CD99L2: variants seen among roughly 807,000 people sequenced by gnomAD.
CD99L2 encodes CD99 molecule like 2.
A neutral mutation model predicts 27.3 loss-of-function variants in CD99L2; 24 were observed. The ratio of observed to expected loss-of-function variants is 0.88; its 90% CI spans 0.64 to 1.24. CD99L2 has a LOEUF of 1.24. CD99L2 is among the 50% of genes most tolerant of loss of function. The probability of loss-of-function intolerance (pLI) is 0.00; values close to 1 mark genes in which losing one functional copy is unlikely to be tolerated. For missense variants in CD99L2, 255 were observed against 221.6 expected (o/e 1.15, Z -0.96); for synonymous variants, 97 against 87.9 (o/e 1.10, Z -0.58).
At position 150,860,847 on chromosome X, in the gene CD99L2, T is replaced by A. The variant is rs1486737322; in HGVS notation, c.68-29554A>T. On this transcript the variant is annotated intron_variant, in intron 1 of 10. Coordinates refer to ENST00000370377, the MANE Select transcript of CD99L2 (RefSeq NM_031462.4). ...GGAAAGACATTCCATGCTCATGGAC[T>A]GAAAAAATGAATATCATTGGCCAGG... 2.7e-5 allele frequency among the ~76,000 whole-genome samples: 3 copies of A among 111,077 alleles called. No homozygotes were observed. In the Admixed American group the frequency reaches 2.9e-4, roughly 11 times the overall value.
intron 4 of CD99L2, among the ~76,000 whole-genome samples, chrX:150,813,388 C>T (rs1338434027): frequency 9.0e-6 from 1 of 111,607 alleles, no homozygotes; most frequent in Non-Finnish European, 1.9e-5. Context: ...CAACTACACA[C>T]GAATCTATGA....
chrX:150,774,155 T>A (rs2043509897), intron 9 of CD99L2, among the ~76,000 whole-genome samples: 1 of 112,074 alleles, frequency 8.9e-6, no homozygotes, highest in African/African-American at 3.2e-5. Flanking sequence ...ATTCGTTCAA[T>A]GACATTTTAG....
chrX:150,894,174 C>T (rs1434738745), intron 1 of CD99L2, among the ~76,000 whole-genome samples: 1 of 112,164 alleles, frequency 8.9e-6, no homozygotes, highest in African/African-American at 3.2e-5. Flanking sequence ...ATCCCAGCTG[C>T]TGGCAACCAC....
chrX:150,825,867 G>A (rs1442334504), intron 2 of CD99L2, among the ~76,000 whole-genome samples: 4 of 112,176 alleles, frequency 3.6e-5, no homozygotes, highest in African/African-American at 1.3e-4. Context: ...GTAATATCGT[G>A]CTGTACCGAA....
rs1307636903 is a variant in CD99L2 at position 150,795,342 on chromosome X, G to T, written c.347-53C>A. ...TACTCAATTAGTTCATCTATGGGTA[G>T]CTCATTTGGATCCTGTCTCAGAGGG... On this transcript the variant is annotated intron_variant, in intron 5 of 10. Coordinates refer to ENST00000370377, the MANE Select transcript of CD99L2 (RefSeq NM_031462.4). 3.3e-6 allele frequency: 4 copies of T among 1,205,217 alleles called. No individual in the cohort carries two copies. The East Asian group carries it at 1.2e-4, about 36-fold the overall frequency.
At chrX:150,776,122 T>A in intron 9 of CD99L2, 52 bp downstream of exon 9, 1 of 1,194,553 alleles carries the variant, frequency 8.4e-7, no homozygotes, top group Non-Finnish European at 1.1e-6. Flanking sequence ...CCCCTTTCCC[T>A]CCAAAGACCT....
intron 1 of CD99L2, among the ~76,000 whole-genome samples, chrX:150,854,901 G>C (rs782544760): frequency 1.8e-5 from 2 of 110,528 alleles, no homozygotes; most frequent in South Asian, 7.9e-4. Flanking sequence ...GCTGCCTGCT[G>C]CCCCCCCTCC....
intron 7 of CD99L2, among the ~76,000 whole-genome samples, chrX:150,792,449 T>C (rs1160459434): frequency 8.9e-6 from 1 of 112,194 alleles, no homozygotes; most frequent in Admixed American, 9.5e-5. Flanking sequence ...GTAGGTTTCA[T>C]TTAGAGGCTT....
At chrX:150,789,647 G>A (rs1331444009) in intron 7 of CD99L2, among the ~76,000 whole-genome samples, 2 of 111,607 alleles carry the variant, frequency 1.8e-5, no homozygotes, top group East Asian at 5.7e-4. Context: ...CATATTGGGA[G>A]GCCAAGGCAG....
intron 4 of CD99L2, among the ~76,000 whole-genome samples, chrX:150,813,737 C>T (rs2046108405): frequency 8.9e-6 from 1 of 112,264 alleles, no homozygotes; most frequent in East Asian, 2.8e-4. Flanking sequence ...TGATTATTTC[C>T]ATTCTGAGCA....
At chrX:150,858,606 G>A (rs1170633287) in intron 1 of CD99L2, among the ~76,000 whole-genome samples, 1 of 111,580 alleles carries the variant, frequency 9.0e-6, no homozygotes, top group African/African-American at 3.3e-5. Flanking sequence ...CTAACCAATG[G>A]GTCAATGAAG....
chrX:150,859,654 C>A (rs1341586304), intron 1 of CD99L2, among the ~76,000 whole-genome samples: 1 of 109,186 alleles, frequency 9.2e-6, no homozygotes, highest in African/African-American at 3.3e-5. Flanking sequence ...CCTGCCACCA[C>A]GCCCAGCTAA....
chrX:150,828,754 T>TGG (rs1412229807), intron 2 of CD99L2: 1 of 111,326 alleles, frequency 9.0e-6, no homozygotes, highest in African/African-American at 3.3e-5. Context: ...AGTGTTGGCG[T>TGG]GGGTCTGGGA....
intron 1 of CD99L2, among the ~76,000 whole-genome samples, chrX:150,878,752 C>T (rs955735883): frequency 2.6e-4 from 29 of 111,370 alleles, no homozygotes; most frequent in African/African-American, 9.1e-4. Flanking sequence ...AAAATTTCTG[C>T]AATTTATTAA....
At chrX:150,855,557 G>A (rs1455329206) in intron 1 of CD99L2, among the ~76,000 whole-genome samples, 1 of 111,236 alleles carries the variant, frequency 9.0e-6, no homozygotes, top group African/African-American at 3.3e-5. Flanking sequence ...CAATGAGGGG[G>A]AAATCCGTCC....
intron 7 of CD99L2, among the ~76,000 whole-genome samples, chrX:150,792,130 C>G (rs782445379): frequency 1.1e-4 from 12 of 111,335 alleles, no homozygotes; most frequent in Non-Finnish European, 2.1e-4. Context: ...CCACGACCCC[C>G]TTTATCTTCT....
At chrX:150,770,461 T>C (rs2043425439) in intron 9 of CD99L2, 92 bp from the exon 10 acceptor site, 1 of 833,452 alleles carries the variant, frequency 1.2e-6, no homozygotes, top group African/African-American at 2.0e-5. Context: ...CCTCTGCAGC[T>C]AAAAAAGCAG....
At chrX:150,888,136 G>A (rs868977623) in intron 1 of CD99L2, among the ~76,000 whole-genome samples, 108 of 111,911 alleles carry the variant, frequency 9.7e-4, no homozygotes, top group African/African-American at 3.3e-3. Flanking sequence ...TGAAAGTCAC[G>A]CTGGTAACTT....
intron 1 of CD99L2, among the ~76,000 whole-genome samples, chrX:150,837,158 G>A (rs782762804): frequency 5.4e-5 from 6 of 112,053 alleles, no homozygotes; most frequent in Non-Finnish European, 1.1e-4. Context: ...AGGGAACCAG[G>A]GGTCCTTGGC....
Sources: allele counts gnomAD v4.1 joint callset (sites outside exome capture counted in the v4.1 genomes callset), GRCh38; gene constraint gnomAD v4.1.1; transcripts MANE v1.5; gene names NCBI Gene and HGNC (gene_info 2026-07-23, HGNC 2026-07-21).